Variants in SERGEF observed in about 807,000 individuals in gnomAD.
The protein encoded by SERGEF is secretion-regulating guanine nucleotide exchange factor.
In SERGEF, 51 loss-of-function variants were observed where a neutral mutation model predicts 50.0. The observed-to-expected ratio is 1.02, with a 90% confidence interval of 0.81 to 1.29. The LOEUF (loss-of-function observed/expected upper bound fraction) is 1.29. Ranked by LOEUF, SERGEF falls within the 50% of genes most tolerant of loss-of-function variation. The probability of loss-of-function intolerance (pLI) is 0.00; values close to 1 mark genes in which losing one functional copy is unlikely to be tolerated. For synonymous variants in SERGEF, 205 were observed against 212.4 expected (o/e 0.97, Z 0.30); for missense variants, 521 against 557.0 (o/e 0.94, Z 0.65).
At chr11:17,789,377 C>T (rs1484348556) in intron 10 of SERGEF, among the ~76,000 whole-genome samples, 1 of 152,200 alleles carries the variant, frequency 6.6e-6, no homozygotes, top group African/African-American at 2.4e-5. Context: ...ATCTCTAGGA[C>T]AGTGCCTGGT....
At chr11:17,813,020 A>G (rs1305857474) in intron 10 of SERGEF, among the ~76,000 whole-genome samples, 1 of 152,144 alleles carries the variant, frequency 6.6e-6, no homozygotes, top group African/African-American at 2.4e-5. Context: ...CTACTGTTCC[A>G]TGGACATCAC....
rs146830399 is a variant in SERGEF, at chr11:17,926,928, C to T, written c.1011+32542G>A. The T allele has an allele frequency of 5.2e-3, 2,274 of 439,730 alleles. 7 individuals are homozygous for T. Among genetic ancestry groups the T allele is most frequent in the Middle Eastern group, 0.019 (56 of 2,886 alleles). 27.2% of individuals were successfully genotyped at this position (439,730 alleles called of 1,614,324 possible). On this transcript the variant is annotated intron_variant, in intron 9 of 10. Transcript: ENST00000265965. Reference sequence around the variant, plus strand: ...TCTAGATCACTGCAGACTGTCTGCTCCTATGCCCCTCCCCAACTCACAGGA... The same window carrying T: ...TCTAGATCACTGCAGACTGTCTGCTTCTATGCCCCTCCCCAACTCACAGGA...
intron 10 of SERGEF, among the ~76,000 whole-genome samples, chr11:17,860,031 C>T (rs552750183): frequency 2.0e-5 from 3 of 152,152 alleles, no homozygotes; most frequent in Non-Finnish European, 2.9e-5. Flanking sequence ...CATCACGTAA[C>T]CACGGTGCAG....
chr11:17,868,458 T>C (rs1395851177), intron 10 of SERGEF, among the ~76,000 whole-genome samples: 2 of 152,166 alleles, frequency 1.3e-5, no homozygotes, highest in Non-Finnish European at 2.9e-5. Context: ...TTATCAGTAT[T>C]TTGATCAAAG....
intron 10 of SERGEF, among the ~76,000 whole-genome samples, chr11:17,795,440 G>A (rs1232236770): frequency 6.6e-6 from 1 of 152,182 alleles, no homozygotes; most frequent in African/African-American, 2.4e-5. Flanking sequence ...CCTTTATGCT[G>A]AGGCTGCTGG....
intron 10 of SERGEF, among the ~76,000 whole-genome samples, chr11:17,842,941 T>C (rs1850531705): frequency 6.6e-6 from 1 of 152,152 alleles, no homozygotes; most frequent in Non-Finnish European, 1.5e-5. Flanking sequence ...ACGCACAGAT[T>C]TTTAGCCCTG....
At chr11:18,010,120 A>G (rs1360382628) in intron 1 of SERGEF, 16 of 1,259,764 alleles carry the variant, frequency 1.3e-5, no homozygotes, top group Non-Finnish European at 1.6e-5. Flanking sequence ...TCTTTTAAAT[A>G]TGTTTGTTTT....
At chr11:17,986,011 C>A (rs1019409134) in intron 8 of SERGEF, among the ~76,000 whole-genome samples, 3 of 152,312 alleles carry the variant, frequency 2.0e-5, no homozygotes, top group African/African-American at 7.2e-5. Context: ...CAATATCACA[C>A]AACTAATGCC....
intron 10 of SERGEF, among the ~76,000 whole-genome samples, chr11:17,872,902 C>T (rs1274106760): frequency 2.6e-5 from 4 of 151,518 alleles, no homozygotes; most frequent in African/African-American, 7.3e-5. Context: ...TAGTATGCTA[C>T]CATTTATGTA....
At chr11:17,834,078 C>A (rs796530531) in intron 10 of SERGEF, among the ~76,000 whole-genome samples, 4 of 152,090 alleles carry the variant, frequency 2.6e-5, no homozygotes, top group African/African-American at 7.2e-5. Context: ...GGTTTAGCTC[C>A]GTGTCCCCAT....
intron 9 of SERGEF, among the ~76,000 whole-genome samples, chr11:17,916,812 T>C (rs975926442): frequency 3.3e-5 from 5 of 152,182 alleles, no homozygotes; most frequent in Non-Finnish European, 5.9e-5. Context: ...ACAATCACTA[T>C]CATTTATCTG....
chr11:17,813,972 C>T (rs1849919087), intron 10 of SERGEF, among the ~76,000 whole-genome samples: 1 of 152,226 alleles, frequency 6.6e-6, no homozygotes. Context: ...ACACAGACCC[C>T]ACTGCTTAGG....
chr11:17,970,839 C>T (rs951402438), intron 8 of SERGEF, among the ~76,000 whole-genome samples: 21 of 151,866 alleles, frequency 1.4e-4, no homozygotes, highest in East Asian at 3.9e-4. Context: ...GGCTAAGAGA[C>T]GTGAGGGAAC....
chr11:17,872,772 T>C (rs1435539138), intron 10 of SERGEF, among the ~76,000 whole-genome samples: 1 of 152,138 alleles, frequency 6.6e-6, no homozygotes, highest in Non-Finnish European at 1.5e-5. Flanking sequence ...TAAATCAAGA[T>C]ACATAGGAAC....
chr11:17,933,739 A>G (rs1467264790), intron 9 of SERGEF, among the ~76,000 whole-genome samples: 1 of 152,120 alleles, frequency 6.6e-6, no homozygotes, highest in African/African-American at 2.4e-5. Context: ...TGCTGTTTTA[A>G]GTATTACAAA....
intron 8 of SERGEF, among the ~76,000 whole-genome samples, chr11:17,970,342 C>T (rs892844509): frequency 1.3e-5 from 2 of 152,136 alleles, no homozygotes; most frequent in Non-Finnish European, 2.9e-5. Context: ...GAACCATGCC[C>T]ATGTAAGATG....
Position 17,875,983 on chromosome 11 carries a change from A to G in SERGEF, c.1048+2225T>C, listed in dbSNP as rs538587805. Among the ~76,000 whole-genome samples the G allele has an allele frequency of 1.1e-3, 166 of 152,324 alleles. 1 individual carries two copies. The highest frequency in any genetic ancestry group is 3.9e-3 in the African/African-American group (161 of 41,568). ...GGAGGAGCTCAACCCCATGAGAAAC[A>G]TGGCTTTAAGCTGGCAGGAACTCTT... On this transcript the variant is annotated intron_variant, in intron 10 of 10. Coordinates refer to ENST00000265965, the MANE Select transcript of SERGEF (RefSeq NM_012139.4).
intron 6 of SERGEF, among the ~76,000 whole-genome samples, chr11:17,993,210 G>A (rs1254024972): frequency 1.3e-5 from 2 of 152,158 alleles, no homozygotes; most frequent in Non-Finnish European, 2.9e-5. Flanking sequence ...CAGGATAAAG[G>A]AGCCAGATTC....
intron 9 of SERGEF, among the ~76,000 whole-genome samples, chr11:17,917,210 T>C (rs1257365181): frequency 1.3e-5 from 2 of 152,232 alleles, no homozygotes; most frequent in Non-Finnish European, 2.9e-5. Context: ...CTGTGGTACA[T>C]ATATATGATG....
Sources: allele counts gnomAD v4.1 joint callset (sites outside exome capture counted in the v4.1 genomes callset), GRCh38; gene constraint gnomAD v4.1.1; transcripts MANE v1.5; gene names NCBI Gene and HGNC (gene_info 2026-07-23, HGNC 2026-07-21).